NOX4: variants seen among roughly 807,000 people sequenced by gnomAD.
NOX4 encodes the protein NADPH oxidase 4, also known as kidney oxidase-1.
Under a neutral mutation model 87.6 loss-of-function variants are expected in NOX4, and 69 were observed. The ratio of observed to expected loss-of-function variants is 0.79; its 90% CI spans 0.65 to 0.96. The LOEUF (loss-of-function observed/expected upper bound fraction) is 0.96, where lower values mean the gene tolerates loss of function less well. Ranked by LOEUF, NOX4 falls within the 40% of genes least tolerant of loss-of-function variation. NOX4 has a pLI of 0.00. For synonymous variants in NOX4, 275 were observed against 238.2 expected (o/e 1.15, Z -1.42); for missense variants, 680 against 681.5 (o/e 1.00, Z 0.02).
chr11:89,355,324 C>CAT (rs552543272), intron 12 of NOX4, among the ~76,000 whole-genome samples: 2 of 145,670 alleles, frequency 1.4e-5, no homozygotes, highest in Non-Finnish European at 3.0e-5. Context: ...AATATATATT[C>CAT]ATATATATAT....
the NOX4 span, among the ~76,000 whole-genome samples, chr11:89,578,365 T>TGG: frequency 6.6e-6 from 1 of 152,152 alleles, no homozygotes; most frequent in Non-Finnish European, 1.5e-5. Flanking sequence ...TTTCACCATG[T>TGG]TGGCCAGGAT....
chr11:89,376,423 C>G (rs912733447), intron 11 of NOX4, among the ~76,000 whole-genome samples: 2 of 152,154 alleles, frequency 1.3e-5, no homozygotes, highest in Admixed American at 6.6e-5. Context: ...TGTTTTCTCA[C>G]TGTCTTTTTG....
At chr11:89,368,487 G>A (rs1461244652) in intron 12 of NOX4, among the ~76,000 whole-genome samples, 1 of 152,066 alleles carries the variant, frequency 6.6e-6, no homozygotes, top group African/African-American at 2.4e-5. Context: ...TTCTAAGCTG[G>A]TGCCTTACTG....
intron 17 of NOX4, among the ~76,000 whole-genome samples, chr11:89,334,353 T>C (rs1213120097): frequency 6.6e-6 from 1 of 151,788 alleles, no homozygotes; most frequent in Non-Finnish European, 1.5e-5. Flanking sequence ...AGTTCTGCTT[T>C]GTAAATCATG....
chr11:89,500,640 C>A (rs1202257826), upstream of NOX4, among the ~76,000 whole-genome samples: 1 of 152,050 alleles, frequency 6.6e-6, no homozygotes. Context: ...TCCACATTTT[C>A]CTTTTTCTCC....
chr11:89,324,400 G>A lies in NOX4; in HGVS notation c.*2356C>T, dbSNP rs1406041340. ...TACTAAAATTAGTGATTTAAGGCTT[G>A]TATTATAAGAATGATCCCCAGAGAA... is the stretch of plus-strand genomic sequence containing the variant. On this transcript the variant is annotated 3_prime_UTR_variant, in exon 18 of 18. Coordinates refer to ENST00000263317, the MANE Select transcript of NOX4 (RefSeq NM_016931.5). The A allele has an allele frequency of 6.6e-6, 1 of 152,146 alleles. No homozygotes were observed. The highest frequency in any genetic ancestry group is 1.9e-4 in the East Asian group (1 of 5,192). 9.4% of individuals were successfully genotyped at this position (152,146 alleles called of 1,614,324 possible).
the NOX4 span, among the ~76,000 whole-genome samples, chr11:89,549,179 G>T: frequency 6.6e-6 from 1 of 152,058 alleles, no homozygotes; most frequent in Non-Finnish European, 1.5e-5. Flanking sequence ...AGATTTTTTA[G>T]ATTATTTACT....
chr11:89,355,389 TATAA>T (rs1316437142), intron 12 of NOX4, among the ~76,000 whole-genome samples: 3 of 148,926 alleles, frequency 2.0e-5, no homozygotes, highest in South Asian at 2.1e-4. Context: ...ATATTTATCC[TATAA>T]ATATACATAA....
chr11:89,578,057 T>C, the NOX4 span, among the ~76,000 whole-genome samples: 1 of 152,258 alleles, frequency 6.6e-6, no homozygotes, highest in East Asian at 1.9e-4. Flanking sequence ...AGGTGAGTTT[T>C]TGTGGCTCAT....
At chr11:89,431,227 T>G (rs1407746331) in intron 7 of NOX4, among the ~76,000 whole-genome samples, 2 of 152,148 alleles carry the variant, frequency 1.3e-5, no homozygotes, top group Admixed American at 6.6e-5. Flanking sequence ...AAGACTTAAA[T>G]GTTAGACCTA....
chr11:89,420,802 A>G (rs1031947839), intron 8 of NOX4, among the ~76,000 whole-genome samples: 2 of 152,198 alleles, frequency 1.3e-5, no homozygotes, highest in Non-Finnish European at 2.9e-5. Flanking sequence ...CAGCTGTGTT[A>G]CCAGCAACAT....
intron 13 of NOX4, among the ~76,000 whole-genome samples, chr11:89,349,373 T>C (rs1293258295): frequency 2.6e-5 from 4 of 151,936 alleles, no homozygotes; most frequent in African/African-American, 7.3e-5. Context: ...GACATGCAGA[T>C]TGAACAGAAA....
At chr11:89,402,577 T>C (rs1941936841) in intron 8 of NOX4, 35 bp from the exon 9 acceptor site, 1 of 1,495,014 alleles carries the variant, frequency 6.7e-7, no homozygotes, top group Admixed American at 1.7e-5. Context: ...AACAGAGAAA[T>C]GAAAAGATTT....
the NOX4 span, among the ~76,000 whole-genome samples, chr11:89,513,855 AT>A: frequency 6.6e-6 from 1 of 151,896 alleles, no homozygotes; most frequent in Non-Finnish European, 1.5e-5. Flanking sequence ...CTACTACTCA[AT>A]TTTTTCCTGT....
chr11:89,491,330 C>A lies in NOX4; in HGVS notation c.-84G>T, dbSNP rs1946847396. ...GGCCGGGGCAGCGGTTACAGTTGTG[C>A]GGCCTGCCGGGCCGCTGAGCGAGGA... On this transcript the variant is annotated 5_prime_UTR_variant, in exon 1 of 18. Transcript: ENST00000263317. The A allele has an allele frequency of 7.9e-7, 1 of 1,272,378 alleles. No individual in the cohort carries two copies. Among genetic ancestry groups the A allele is most frequent in the African/African-American group, 1.5e-5 (1 of 66,488 alleles). 78.8% of individuals were successfully genotyped at this position (1,272,378 alleles called of 1,614,324 possible).
At chr11:89,431,851 G>T (rs1205005230) in intron 7 of NOX4, among the ~76,000 whole-genome samples, 2 of 152,148 alleles carry the variant, frequency 1.3e-5, no homozygotes, top group East Asian at 1.9e-4. Context: ...CCATTACTGG[G>T]TATATACCCA....
At chr11:89,331,782 G>A (rs1049381100) in intron 17 of NOX4, among the ~76,000 whole-genome samples, 1 of 151,608 alleles carries the variant, frequency 6.6e-6, no homozygotes, top group African/African-American at 2.4e-5. Context: ...AGGATGTTAT[G>A]ATTTTTGTGT....
At chr11:89,518,299 G>T in the NOX4 span, among the ~76,000 whole-genome samples, 2 of 151,748 alleles carry the variant, frequency 1.3e-5, 1 homozygote, top group South Asian at 4.2e-4. Context: ...ATTTGGAAAA[G>T]GTTTATGGAC....
At chr11:89,399,742 G>C (rs954125655) in intron 11 of NOX4, among the ~76,000 whole-genome samples, 12 of 151,460 alleles carry the variant, frequency 7.9e-5, no homozygotes, top group African/African-American at 2.4e-4. Context: ...TGGGATTACA[G>C]GCCTGAGTCA....
Sources: allele counts gnomAD v4.1 joint callset (sites outside exome capture counted in the v4.1 genomes callset), GRCh38; gene constraint gnomAD v4.1.1; transcripts MANE v1.5; gene names NCBI Gene and HGNC (gene_info 2026-07-23, HGNC 2026-07-21).